Variants in RECK observed in about 807,000 individuals in gnomAD.
RECK encodes the protein reversion-inducing cysteine-rich protein with Kazal motifs.
In RECK, 69 loss-of-function variants were observed where a neutral mutation model predicts 115.1. That is an observed-to-expected ratio of 0.60 (90% CI 0.49 to 0.73). The LOEUF (loss-of-function observed/expected upper bound fraction) is 0.73, where lower values mean the gene tolerates loss of function less well. RECK is among the 30% of genes least tolerant of loss of function. The probability of loss-of-function intolerance (pLI) is 0.00; values close to 1 mark genes in which losing one functional copy is unlikely to be tolerated. For missense variants in RECK, 1,047 were observed against 1,203.7 expected, an observed-to-expected ratio of 0.87 and a Z score of 1.93; for synonymous variants, 414 against 419.7, an observed-to-expected ratio of 0.99 and a Z score of 0.17.
intron 7 of RECK, among the ~76,000 whole-genome samples, chr9:36,081,069 T>C (rs1379307516): frequency 6.6e-6 from 1 of 152,054 alleles, no homozygotes; most frequent in Non-Finnish European, 1.5e-5. Flanking sequence ...AAAGAAGGGA[T>C]CATATTCTGC....
intron 4 of RECK, among the ~76,000 whole-genome samples, chr9:36,062,947 C>T (rs1222968935): frequency 6.6e-6 from 1 of 152,042 alleles, no homozygotes; most frequent in African/African-American, 2.4e-5. Flanking sequence ...CCAGCCTGGT[C>T]AACATGGTGA....
At chr9:36,042,053 A>G (rs1820887722) in intron 1 of RECK, among the ~76,000 whole-genome samples, 1 of 150,430 alleles carries the variant, frequency 6.6e-6, no homozygotes, top group Admixed American at 6.6e-5. Context: ...TTGTATAACT[A>G]TAGGATATTA....
chr9:36,104,974 C>T (rs895217122), intron 12 of RECK, among the ~76,000 whole-genome samples, 169 bp from the exon 13 acceptor site: 2 of 152,104 alleles, frequency 1.3e-5, no homozygotes, highest in Non-Finnish European at 2.9e-5. Context: ...ATGTGAAATT[C>T]ATCATTTCAC....
intron 5 of RECK, 22 bp downstream of exon 5, chr9:36,063,902 C>G: frequency 6.2e-7 from 1 of 1,609,420 alleles, no homozygotes; most frequent in Non-Finnish European, 8.5e-7. Context: ...TAGTCAGGCT[C>G]TCAAACATCA....
chr9:36,106,453 G>A (rs1823823023), intron 13 of RECK, among the ~76,000 whole-genome samples: 1 of 151,426 alleles, frequency 6.6e-6, no homozygotes, highest in Admixed American at 6.6e-5. Flanking sequence ...GTCCAGGCTG[G>A]TTTTGAACTC....
intron 7 of RECK, among the ~76,000 whole-genome samples, 184 bp from the exon 8 acceptor site, chr9:36,083,181 C>G (rs1822797991): frequency 6.6e-6 from 1 of 152,220 alleles, no homozygotes; most frequent in African/African-American, 2.4e-5. Flanking sequence ...CTTTATTACA[C>G]TAGTGAGCAC....
intron 6 of RECK, among the ~76,000 whole-genome samples, chr9:36,071,894 G>C (rs1271204912): frequency 6.6e-6 from 1 of 152,136 alleles, no homozygotes; most frequent in Non-Finnish European, 1.5e-5. Flanking sequence ...GTATAGAATG[G>C]TGCAGGTATG....
At chr9:36,113,992 A>C (rs1824161149) in intron 16 of RECK, among the ~76,000 whole-genome samples, 3 of 152,216 alleles carry the variant, frequency 2.0e-5, no homozygotes, top group African/African-American at 7.2e-5. Context: ...GCGGCTTTCC[A>C]TGTGGTCATT....
chr9:36,057,506 T>A (rs1249847076), intron 2 of RECK, among the ~76,000 whole-genome samples: 4 of 152,184 alleles, frequency 2.6e-5, no homozygotes, highest in African/African-American at 9.6e-5. Context: ...TTAACTTAGA[T>A]CATTCTGAAG....
At chr9:36,045,680 TCC>T (rs1048272053) in intron 1 of RECK, among the ~76,000 whole-genome samples, 1 of 151,464 alleles carries the variant, frequency 6.6e-6, no homozygotes, top group African/African-American at 2.4e-5. Context: ...GTGGCAAAAA[TCC>T]CTTTTAACTT....
chr9:36,104,949 A>G (rs1032435469), intron 12 of RECK, among the ~76,000 whole-genome samples, 194 bp from the exon 13 acceptor site: 12 of 152,180 alleles, frequency 7.9e-5, no homozygotes, highest in Admixed American at 3.9e-4. Flanking sequence ...TTAAAAAAAG[A>G]ATGAATGTAT....
intron 15 of RECK, among the ~76,000 whole-genome samples, chr9:36,112,002 A>G (rs948165743): frequency 6.6e-6 from 1 of 151,392 alleles, no homozygotes; most frequent in African/African-American, 2.4e-5. Context: ...ATGCGCCTGT[A>G]GTCCCAGCTA....
intron 2 of RECK, among the ~76,000 whole-genome samples, chr9:36,054,625 A>G (rs1354230899): frequency 6.6e-6 from 1 of 152,118 alleles, no homozygotes; most frequent in Admixed American, 6.5e-5. Context: ...AGTATCTAAC[A>G]CTCAAAACTC....
intron 14 of RECK, among the ~76,000 whole-genome samples, chr9:36,109,281 C>G (rs1395434078): frequency 1.3e-5 from 2 of 151,946 alleles, no homozygotes; most frequent in African/African-American, 4.8e-5. Context: ...GAATTTGAGC[C>G]AAAAAAAGTT....
chr9:36,081,812 G>T (rs1822705801), intron 7 of RECK, among the ~76,000 whole-genome samples: 2 of 144,774 alleles, frequency 1.4e-5, no homozygotes, highest in South Asian at 4.5e-4. Context: ...CCAGCCAGGG[G>T]ACAGAGTGAG....
Position 36,110,045 on chromosome 9 carries a change from G to A in RECK, c.1854G>A (p.Glu618=), listed in dbSNP as rs751739182. Residue 618 remains glutamate (E), a synonymous_variant, in exon 15 of 21, where the codon GAG becomes GAA. Transcript: ENST00000377966. ...GCTCTACCCGCCTTTGCCTCAGTGA[G>A]CACAGTTCAGAAGATGACCGTCGTA... The part of the protein sequence containing the change: ...LVCSTRLCLS[E]HSSEDDRRTF... 6.2e-7 allele frequency: 1 copy of A among 1,613,594 alleles called. No individual in the cohort carries two copies.
At chr9:36,096,012 G>A (rs1823322292) in intron 10 of RECK, among the ~76,000 whole-genome samples, 1 of 148,508 alleles carries the variant, frequency 6.7e-6, no homozygotes, top group South Asian at 2.2e-4. Flanking sequence ...AGGTTGCAGC[G>A]AGCTGAGATC....
chr9:36,107,997 C>T lies in RECK; in HGVS notation c.1598C>T (p.Ser533Phe). ...ACAGGTTGCAAACTGGGAGAAGCTT[C>T]TGATTTCATTGTCCGTCAAGGGACA... is the stretch of plus-strand genomic sequence containing the variant. ...CVQGCKLGEA[S>F]DFIVRQGTLI... The change falls in exon 14 of 21, where the codon TCT (serine) becomes TTT (phenylalanine). Residue 533 changes from serine (S) to phenylalanine (F), a missense_variant. By Grantham distance (155) the Ser-to-Phe change is radical (BLOSUM62 -2). Transcript: ENST00000377966. The T allele has an allele frequency of 6.2e-7, 1 of 1,612,354 alleles. No homozygotes were observed.
At chr9:36,112,518 T>C (rs745631919) in intron 16 of RECK, 42 bp downstream of exon 16, 18 of 1,582,122 alleles carry the variant, frequency 1.1e-5, no homozygotes, top group Middle Eastern at 3.9e-4. Context: ...TGAAGACTAG[T>C]ACTTACAAAG....
Sources: gnomAD v4.1 joint callset for allele counts (sites outside exome capture counted in the v4.1 genomes callset) on GRCh38, gnomAD v4.1.1 for gene constraint, MANE v1.5 for transcripts, NCBI Gene and HGNC (gene_info 2026-07-23, HGNC 2026-07-21) for gene names.